GPBP1L1: variants seen among roughly 807,000 people sequenced by gnomAD.
The protein encoded by GPBP1L1 is vasculin-like protein 1.
In GPBP1L1, 23 loss-of-function variants were observed where a neutral mutation model predicts 52.5. That is an observed-to-expected ratio of 0.44 (90% CI 0.32 to 0.62). GPBP1L1 has a LOEUF of 0.62. Among genes scored for constraint, GPBP1L1 ranks in the 20% least tolerant of loss-of-function variants. The pLI is 0.06. For missense variants in GPBP1L1, 596 were observed against 579.3 expected (o/e 1.03, Z -0.30); for synonymous variants, 243 against 203.1 (o/e 1.20, Z -1.67).
At chr1:45,678,937 A>G (rs929389705) in intron 2 of GPBP1L1, among the ~76,000 whole-genome samples, 1 of 152,236 alleles carries the variant, frequency 6.6e-6, no homozygotes, top group African/African-American at 2.4e-5. Flanking sequence ...TTAGACTACA[A>G]TCTGGAAAAA....
At chr1:45,680,418 T>C (rs141210154) in intron 2 of GPBP1L1, among the ~76,000 whole-genome samples, 5 of 152,138 alleles carry the variant, frequency 3.3e-5, no homozygotes, top group African/African-American at 7.2e-5. Flanking sequence ...TTTGTATTTT[T>C]AGTAGAGACA....
intron 8 of GPBP1L1, among the ~76,000 whole-genome samples, chr1:45,635,953 CTTA>C (rs902785263): frequency 6.6e-6 from 1 of 152,116 alleles, no homozygotes; most frequent in Non-Finnish European, 1.5e-5. Context: ...GGCCAGACTT[CTTA>C]TTTTCCCTCA....
intron 7 of GPBP1L1, among the ~76,000 whole-genome samples, chr1:45,641,355 G>A (rs925054137): frequency 4.0e-5 from 6 of 151,818 alleles, no homozygotes; most frequent in Middle Eastern, 6.8e-3. Flanking sequence ...GATTCCTATC[G>A]CACCACTGCA....
intron 10 of GPBP1L1, chr1:45,630,887 G>T: frequency 5.3e-6 from 2 of 374,402 alleles, no homozygotes; most frequent in East Asian, 5.9e-5. Context: ...CACAAAAGCT[G>T]GAGTAATTAA....
chr1:45,634,095 C>T lies in GPBP1L1; in HGVS notation c.885+1G>A, dbSNP rs756350625. 24 of 1,604,720 alleles carry T rather than the reference C, an allele frequency of 1.5e-5. No homozygotes were observed. The highest frequency in any genetic ancestry group is 1.7e-5 in the Non-Finnish European group (20 of 1,174,396). On this transcript the variant is annotated splice_donor_variant, in intron 9 of 12. Coordinates refer to ENST00000355105, the MANE Select transcript of GPBP1L1 (RefSeq NM_021639.5). LOFTEE classifies it high-confidence loss of function. ...GACTGTCCTGCTTCATCCTCACTCACCTCTTTGGGAGAACTCAGAGCTGCA... is the reference window on the plus strand; with the variant it reads ...GACTGTCCTGCTTCATCCTCACTCATCTCTTTGGGAGAACTCAGAGCTGCA...
chr1:45,679,523 T>C (rs1230564300), intron 2 of GPBP1L1, among the ~76,000 whole-genome samples: 1 of 152,178 alleles, frequency 6.6e-6, no homozygotes, highest in Non-Finnish European at 1.5e-5. Context: ...AGTTTATCTA[T>C]ATGGTATGTG....
rs148623746 is a variant in GPBP1L1 at position 45,628,296 on chromosome 1, G to C, written c.1385C>G (p.Thr462Ser). The change falls in exon 13 of 13, where the codon ACC becomes AGC. Residue 462 changes from threonine to serine, a missense_variant. Physicochemically the swap from Thr to Ser is moderately conservative, Grantham distance 58 (BLOSUM62 1). Transcript: ENST00000355105. Reference sequence around the variant, plus strand: ...GTCATCTGATGTTTCACTGCTACTGGTTTCGGTGTCTGAGTCCTCAAACTC... The same window carrying C: ...GTCATCTGATGTTTCACTGCTACTGCTTTCGGTGTCTGAGTCCTCAAACTC... The part of the protein sequence containing the change: ...KAEFEDSDTE[T>S]SSSETSDDDA... 59 of 1,614,008 alleles carry C rather than the reference G, an allele frequency of 3.7e-5. No homozygotes were observed. Among genetic ancestry groups the C allele is most frequent in the Non-Finnish European group, 4.8e-5 (57 of 1,180,024 alleles).
At chr1:45,672,751 T>C (rs1645089529) in intron 2 of GPBP1L1, among the ~76,000 whole-genome samples, 1 of 152,054 alleles carries the variant, frequency 6.6e-6, no homozygotes, top group African/African-American at 2.4e-5. Flanking sequence ...AAAAAAACCA[T>C]CAAAGTGTGG....
At chr1:45,651,808 CCTT>C in intron 6 of GPBP1L1, 1 of 276,498 alleles carries the variant, frequency 3.6e-6, no homozygotes, top group Non-Finnish European at 6.7e-6. Flanking sequence ...TTCCCCTTGC[CCTT>C]CTTTCCTTTC....
intron 6 of GPBP1L1, among the ~76,000 whole-genome samples, chr1:45,653,281 C>T (rs1043657467): frequency 6.6e-6 from 1 of 152,114 alleles, no homozygotes; most frequent in Non-Finnish European, 1.5e-5. Flanking sequence ...TGTCTGTAAT[C>T]CTAGCACTTT....
chr1:45,645,394 T>C (rs1043384389), intron 6 of GPBP1L1, among the ~76,000 whole-genome samples: 1 of 152,218 alleles, frequency 6.6e-6, no homozygotes, highest in Admixed American at 6.5e-5. Flanking sequence ...CGTTTTTATT[T>C]CCTCCTACAA....
intron 2 of GPBP1L1, among the ~76,000 whole-genome samples, chr1:45,678,179 C>T (rs978013047): frequency 6.6e-6 from 1 of 152,170 alleles, no homozygotes. Flanking sequence ...GTAATGGTTA[C>T]AGTTTATTTT....
chr1:45,630,062 C>T (rs976827093), intron 11 of GPBP1L1, among the ~76,000 whole-genome samples: 9 of 151,996 alleles, frequency 5.9e-5, no homozygotes, highest in African/African-American at 2.2e-4. Flanking sequence ...GCCATTCTCC[C>T]GTCCCAGCCT....
chr1:45,659,968 G>A (rs1050578626), intron 3 of GPBP1L1, among the ~76,000 whole-genome samples: 1 of 152,100 alleles, frequency 6.6e-6, no homozygotes, highest in Admixed American at 6.6e-5. Flanking sequence ...GATCTTCCTA[G>A]AGAAGGACGA....
intron 2 of GPBP1L1, among the ~76,000 whole-genome samples, chr1:45,664,066 C>T (rs1644979077): frequency 6.6e-6 from 1 of 152,120 alleles, no homozygotes; most frequent in African/African-American, 2.4e-5. Context: ...GGCGCGGTGG[C>T]TCACGCCTGT....
intron 3 of GPBP1L1, among the ~76,000 whole-genome samples, chr1:45,659,720 G>A (rs919119644): frequency 1.3e-4 from 20 of 152,140 alleles, no homozygotes; most frequent in East Asian, 3.9e-4. Context: ...GAGGTGGATC[G>A]CTTGAGCCCA....
intron 6 of GPBP1L1, chr1:45,651,574 C>A (rs1316585178): frequency 6.4e-6 from 4 of 629,560 alleles, no homozygotes; most frequent in East Asian, 5.8e-5. Flanking sequence ...AGCGCAAGGC[C>A]TGGATGAACT....
intron 8 of GPBP1L1, 138 bp from the exon 9 acceptor site, chr1:45,634,374 A>C (rs1644568708): frequency 1.2e-6 from 1 of 809,678 alleles, no homozygotes; most frequent in Admixed American, 3.0e-5. Context: ...ATGTTTGGGA[A>C]GTATGCAACC....
At chr1:45,662,707 G>A (rs1644960656) in intron 2 of GPBP1L1, among the ~76,000 whole-genome samples, 1 of 152,058 alleles carries the variant, frequency 6.6e-6, no homozygotes, top group African/African-American at 2.4e-5. Flanking sequence ...TTGAGCGATG[G>A]GTACAAGATG....
Sources: gnomAD v4.1 joint callset for allele counts (sites outside exome capture counted in the v4.1 genomes callset) on GRCh38, gnomAD v4.1.1 for gene constraint, MANE v1.5 for transcripts, NCBI Gene and HGNC (gene_info 2026-07-23, HGNC 2026-07-21) for gene names.